Variants in FAM227B observed in about 807,000 individuals in gnomAD.
FAM227B encodes the protein protein FAM227B.
FAM227B carries 88 observed loss-of-function variants against 73.8 expected under a neutral mutation model. The ratio of observed to expected loss-of-function variants is 1.19; its 90% CI spans 1.00 to 1.42. The LOEUF is 1.42. Among genes scored for constraint, FAM227B ranks in the 40% most tolerant of loss-of-function variants. The pLI is 0.00. For synonymous variants in FAM227B, 210 were observed against 190.5 expected (o/e 1.10, Z -0.84); for missense variants, 632 against 590.9 (o/e 1.07, Z -0.72).
rs71424023 is a variant in FAM227B, at chr15:49,591,029, G to GTTT, written c.106-1025_106-1023dup. ...TTTTCTTTCTCTTTCTCTTTTTTTT[G>GTTT]TTTTTTTTTTTTTTGATTTTTTTTT... On this transcript the variant is annotated intron_variant, in intron 3 of 15. Coordinates refer to ENST00000299338, the MANE Select transcript of FAM227B (RefSeq NM_152647.3). Among the ~76,000 whole-genome samples the GTTT allele has an allele frequency of 1.7e-3, 180 of 105,590 alleles. 2 individuals carry two copies. The South Asian group carries it at 0.02, about 11-fold the overall frequency. The allele number at this position is 105,590 out of a possible 152,430, so 69.3% of individuals were successfully genotyped here.
intron 13 of FAM227B, among the ~76,000 whole-genome samples, chr15:49,363,669 G>A (rs1044740547): frequency 6.6e-6 from 1 of 152,118 alleles, no homozygotes; most frequent in Non-Finnish European, 1.5e-5. Flanking sequence ...TGTTGAATAG[G>A]AGTGTTGAGA....
At chr15:49,338,821 G>A (rs1288229127) in intron 13 of FAM227B, among the ~76,000 whole-genome samples, 15 of 151,962 alleles carry the variant, frequency 9.9e-5, no homozygotes, top group South Asian at 2.1e-4. Context: ...GGCTTTGTTC[G>A]TTTCTTTTCA....
chr15:49,566,356 T>A (rs185020558), intron 9 of FAM227B, among the ~76,000 whole-genome samples: 1 of 152,168 alleles, frequency 6.6e-6, no homozygotes, highest in Non-Finnish European at 1.5e-5. Flanking sequence ...ACAAGGTGAA[T>A]AAAGGGAACT....
Position 49,508,238 on chromosome 15 carries a change from C to A in FAM227B, c.985G>T (p.Ala329Ser). 1 of 1,610,486 alleles carries A rather than the reference C, an allele frequency of 6.2e-7. No homozygotes were observed. The highest frequency in any genetic ancestry group is 8.5e-7 in the Non-Finnish European group (1 of 1,178,438). Reference protein sequence around the residue: ...APAKSVKERIADSQEHISTSI... With the variant: ...APAKSVKERISDSQEHISTSI... The stretch of plus-strand genomic sequence containing the variant: ...GTTGATATATGTTCTTGACTGTCTG[C>A]AATTCTTTCCTTTACTGATTTTGCA... The change falls in exon 11 of 16, where the codon GCA becomes TCA. Residue 329 changes from alanine to serine, a missense_variant. Ala to Ser is a moderately conservative substitution (Grantham distance 99). Transcript: ENST00000299338.
chr15:49,435,091 T>C (rs2050978939), intron 11 of FAM227B, among the ~76,000 whole-genome samples: 1 of 151,594 alleles, frequency 6.6e-6, no homozygotes. Context: ...ATTAAAATTG[T>C]TGTGTATGAA....
intron 3 of FAM227B, among the ~76,000 whole-genome samples, chr15:49,607,367 G>A (rs763563614): frequency 2.0e-5 from 3 of 152,044 alleles, no homozygotes; most frequent in Admixed American, 6.5e-5. Context: ...TTGAAATCTG[G>A]AAAACTGTGT....
intron 6 of FAM227B, 45 bp from the exon 7 acceptor site, chr15:49,576,890 C>T (rs767267662): frequency 1.7e-5 from 19 of 1,119,716 alleles, no homozygotes; most frequent in Non-Finnish European, 2.4e-5. Flanking sequence ...TTTCACTCTT[C>T]TCACTATAGT....
At chr15:49,355,619 G>A (rs2151345543) in intron 13 of FAM227B, among the ~76,000 whole-genome samples, 1 of 152,296 alleles carries the variant, frequency 6.6e-6, no homozygotes, top group South Asian at 2.1e-4. Flanking sequence ...TCTGACTGGT[G>A]TACCTGAAAG....
At chr15:49,533,568 T>C (rs1053504226) in intron 10 of FAM227B, among the ~76,000 whole-genome samples, 5 of 152,062 alleles carry the variant, frequency 3.3e-5, no homozygotes, top group Middle Eastern at 3.4e-3. Context: ...CTAGTGCATA[T>C]ATATTTACTA....
intron 11 of FAM227B, chr15:49,396,137 G>A (rs932490639): frequency 2.7e-5 from 10 of 370,432 alleles, no homozygotes; most frequent in African/African-American, 4.3e-5. Context: ...CAGTGGGTGT[G>A]CTCACCGTGT....
At chr15:49,407,716 T>C (rs2048616180) in intron 11 of FAM227B, among the ~76,000 whole-genome samples, 1 of 149,938 alleles carries the variant, frequency 6.7e-6, no homozygotes, top group Admixed American at 6.7e-5. Flanking sequence ...TGAGGTATCA[T>C]TTATATGCTG....
chr15:49,578,980 A>C (rs1017887200), intron 5 of FAM227B, among the ~76,000 whole-genome samples: 3 of 152,142 alleles, frequency 2.0e-5, no homozygotes, highest in African/African-American at 4.8e-5. Context: ...ACTAAACACA[A>C]ATAATACCAT....
intron 5 of FAM227B, among the ~76,000 whole-genome samples, chr15:49,585,131 C>G (rs922707616): frequency 2.6e-5 from 4 of 151,966 alleles, no homozygotes; most frequent in African/African-American, 9.7e-5. Flanking sequence ...CAAATCAAAA[C>G]CACAATGAGA....
At chr15:49,437,537 T>C (rs1597183384) in intron 11 of FAM227B, among the ~76,000 whole-genome samples, 1 of 151,658 alleles carries the variant, frequency 6.6e-6, no homozygotes, top group South Asian at 2.1e-4. Context: ...GGGGTGTGAT[T>C]CTGGGTAAAT....
At chr15:49,543,388 C>G (rs995800185) in intron 9 of FAM227B, among the ~76,000 whole-genome samples, 20 of 151,914 alleles carry the variant, frequency 1.3e-4, no homozygotes, top group African/African-American at 4.8e-4. Context: ...GTTTGAGTTT[C>G]TTGTAGATTC....
chr15:49,613,399 G>A (rs73406015), intron 2 of FAM227B, among the ~76,000 whole-genome samples: 1 of 152,018 alleles, frequency 6.6e-6, no homozygotes, highest in Non-Finnish European at 1.5e-5. Flanking sequence ...TACTCGAGAG[G>A]CTGAGGTGAG....
intron 13 of FAM227B, among the ~76,000 whole-genome samples, chr15:49,341,540 T>A (rs2040728004): frequency 6.6e-6 from 1 of 152,054 alleles, no homozygotes; most frequent in South Asian, 2.1e-4. Flanking sequence ...TTAGTAGAGA[T>A]GAGGTTTCAC....
At chr15:49,600,596 A>C (rs1263771805) in intron 3 of FAM227B, among the ~76,000 whole-genome samples, 1 of 150,308 alleles carries the variant, frequency 6.7e-6, no homozygotes, top group Non-Finnish European at 1.5e-5. Flanking sequence ...GAGAGGTTGC[A>C]GTGAGCTGAG....
intron 12 of FAM227B, 79 bp from the exon 13 acceptor site, chr15:49,367,687 T>TTTTA: frequency 1.5e-6 from 2 of 1,290,326 alleles, no homozygotes; most frequent in Non-Finnish European, 2.1e-6. Flanking sequence ...TAACTTCATA[T>TTTTA]TTAGCATAAA....
Sources: gnomAD v4.1 joint callset for allele counts (sites outside exome capture counted in the v4.1 genomes callset) on GRCh38, gnomAD v4.1.1 for gene constraint, MANE v1.5 for transcripts, NCBI Gene and HGNC (gene_info 2026-07-23, HGNC 2026-07-21) for gene names.